SHANK2: variants seen among roughly 807,000 people sequenced by gnomAD.
SHANK2 encodes the protein SH3 and multiple ankyrin repeat domains protein 2.
SHANK2 carries 43 observed loss-of-function variants against 133.7 expected under a neutral mutation model. The ratio of observed to expected loss-of-function variants is 0.32; its 90% CI spans 0.25 to 0.41. The LOEUF is 0.41. SHANK2 is among the 10% of genes least tolerant of loss of function. SHANK2 has a pLI of 1.00. For synonymous variants in SHANK2, 1,017 were observed against 952.8 expected, an observed-to-expected ratio of 1.07 and a Z score of -1.24; for missense variants, 1,994 against 2,235.8, an observed-to-expected ratio of 0.89 and a Z score of 2.18.
chr11:70,783,743 C>T (rs1377849459), intron 14 of SHANK2, among the ~76,000 whole-genome samples: 1 of 152,206 alleles, frequency 6.6e-6, no homozygotes, highest in Non-Finnish European at 1.5e-5. Context: ...TTATAACTGC[C>T]CACTGGACGT....
intron 17 of SHANK2, among the ~76,000 whole-genome samples, chr11:70,608,713 G>A (rs928832229): frequency 3.9e-5 from 6 of 152,178 alleles, no homozygotes; most frequent in Admixed American, 2.6e-4. Flanking sequence ...TGAGGGCCAC[G>A]GGCTCCCGGA....
chr11:70,472,624 G>A lies in SHANK2; in HGVS notation c.*245C>T. 3 of 557,598 alleles carry A rather than the reference G, an allele frequency of 5.4e-6. No individual in the cohort carries two copies. Among genetic ancestry groups the A allele is most frequent in the Non-Finnish European group, 9.7e-6 (3 of 310,048 alleles). The allele number at this position is 557,598 out of a possible 1,614,324, so 34.5% of individuals were successfully genotyped here. On this transcript the variant is annotated 3_prime_UTR_variant, in exon 26 of 26. Coordinates refer to ENST00000601538, the MANE Select transcript of SHANK2 (RefSeq NM_012309.5). The surrounding 1 kb of genome is among the most constrained non-coding windows in gnomAD (Gnocchi z 4.4). ...CGGCAGGCTGAGAATCTTTTTCCAT[G>A]TTAGAAAAACTCCCTCCCCTTGTCC...
At chr11:70,835,814 C>T (rs1240567124) in intron 11 of SHANK2, among the ~76,000 whole-genome samples, 1 of 152,200 alleles carries the variant, frequency 6.6e-6, no homozygotes, top group Non-Finnish European at 1.5e-5. Context: ...CAGCCTCATT[C>T]TGCTGAGGTC....
chr11:70,666,105 A>G (rs1944673968), intron 15 of SHANK2, among the ~76,000 whole-genome samples: 1 of 152,138 alleles, frequency 6.6e-6, no homozygotes, highest in African/African-American at 2.4e-5. Flanking sequence ...AAGGATGACT[A>G]CAGGGTTTCG....
At chr11:70,876,693 C>T (rs1214787325) in intron 11 of SHANK2, among the ~76,000 whole-genome samples, 1 of 152,060 alleles carries the variant, frequency 6.6e-6, no homozygotes, top group African/African-American at 2.4e-5. Flanking sequence ...AGTGTTTCAT[C>T]CATGTGGGCT....
chr11:71,227,048 C>T (rs572929191), intron 1 of SHANK2, among the ~76,000 whole-genome samples: 5 of 152,064 alleles, frequency 3.3e-5, no homozygotes, highest in East Asian at 1.9e-4. Context: ...ATTAAGTATA[C>T]ATGATATAAT....
At chr11:71,206,168 T>C (rs1283666567) in intron 2 of SHANK2, among the ~76,000 whole-genome samples, 8 of 152,220 alleles carry the variant, frequency 5.3e-5, no homozygotes, top group African/African-American at 1.9e-4. Context: ...AGAAGGATGC[T>C]AGTGCAAAGT....
chr11:70,605,655 C>T (rs1554992132), intron 17 of SHANK2, among the ~76,000 whole-genome samples: 3 of 152,206 alleles, frequency 2.0e-5, no homozygotes, highest in Non-Finnish European at 4.4e-5. Context: ...CGAACTCTCT[C>T]CAAGGAGGCG....
At chr11:70,607,327 G>A (rs781887170) in intron 17 of SHANK2, among the ~76,000 whole-genome samples, 11 of 152,152 alleles carry the variant, frequency 7.2e-5, no homozygotes, top group Non-Finnish European at 1.3e-4. Flanking sequence ...GTGACCAGCT[G>A]GCAGATTCTA....
At chr11:70,495,269 C>T (rs1591501581) in intron 21 of SHANK2, among the ~76,000 whole-genome samples, 1 of 152,218 alleles carries the variant, frequency 6.6e-6, no homozygotes, top group South Asian at 2.1e-4. Context: ...AATTTGCTTC[C>T]TCCAAGGAGC....
intron 17 of SHANK2, among the ~76,000 whole-genome samples, chr11:70,637,592 G>A (rs980875132): frequency 6.6e-6 from 1 of 152,202 alleles, no homozygotes; most frequent in Admixed American, 6.5e-5. Flanking sequence ...TGCAGAGAGG[G>A]TGTGACCCGT....
intron 9 of SHANK2, among the ~76,000 whole-genome samples, chr11:71,056,799 T>C (rs1950927113): frequency 1.1e-5 from 1 of 93,794 alleles, no homozygotes; most frequent in African/African-American, 2.5e-5. Context: ...TGCACATGTA[T>C]ATAAAATATA....
At chr11:70,592,440 A>G (rs2060337116) in intron 17 of SHANK2, among the ~76,000 whole-genome samples, 1 of 152,092 alleles carries the variant, frequency 6.6e-6, no homozygotes, top group Non-Finnish European at 1.5e-5. Flanking sequence ...GTGGCCACCA[A>G]TCTGATGCAG....
chr11:70,565,585 G>C (rs1371373433), intron 17 of SHANK2, among the ~76,000 whole-genome samples: 1 of 152,148 alleles, frequency 6.6e-6, no homozygotes, highest in Non-Finnish European at 1.5e-5. Flanking sequence ...GTCTCTGCCT[G>C]AGTTCCCTCT....
rs937089721 is a variant in SHANK2, at chr11:71,093,056, G to T, written c.745-467C>A. Among the ~76,000 whole-genome samples, 19 of 145,672 alleles carry T rather than the reference G, an allele frequency of 1.3e-4. 1 individual carries two copies. The highest frequency in any genetic ancestry group is 4.5e-4 in the African/African-American group (18 of 40,002). On this transcript the variant is annotated intron_variant, in intron 7 of 25. Coordinates refer to ENST00000601538, the MANE Select transcript of SHANK2 (RefSeq NM_012309.5). The stretch of plus-strand genomic sequence containing the variant: ...AAGCTCAGTCTCAAAAATAAAGGGG[G>T]GGGGGGGCAGGTATAACTTTAGACA...
intron 17 of SHANK2, among the ~76,000 whole-genome samples, chr11:70,505,099 C>T (rs1404165549): frequency 6.6e-6 from 1 of 152,154 alleles, no homozygotes; most frequent in Non-Finnish European, 1.5e-5. Flanking sequence ...CTGAGTACCA[C>T]CTAAGAAGGC....
intron 17 of SHANK2, among the ~76,000 whole-genome samples, chr11:70,631,410 C>CACACCCCCA (rs1555002193): frequency 1.4e-5 from 1 of 69,156 alleles, no homozygotes; most frequent in Non-Finnish European, 3.5e-5. Flanking sequence ...ACACACACAC[C>CACACCCCCA]CACACAACCT....
rs1951575597 is a variant in SHANK2 at position 71,094,633 on chromosome 11, A to G, written c.648T>C (p.Ala216=). Residue 216 remains alanine, a synonymous_variant, in exon 7 of 26, where the codon GCT becomes GCC. Coordinates refer to ENST00000601538, the MANE Select transcript of SHANK2 (RefSeq NM_012309.5). ...CCAGGTGAGCTCCACCATTTTTGAG[A>G]GCTTTGATGACCTCCACAGAGTCGT... ...QLDDSVEVIK[A]LKNGGAHLDF... 1 of 1,551,534 alleles carries G rather than the reference A, an allele frequency of 6.4e-7. No individual in the cohort carries two copies. The highest frequency in any genetic ancestry group is 8.7e-7 in the Non-Finnish European group (1 of 1,146,982).
intron 2 of SHANK2, among the ~76,000 whole-genome samples, chr11:71,194,690 C>A (rs181313043): frequency 6.6e-6 from 1 of 152,180 alleles, no homozygotes; most frequent in Non-Finnish European, 1.5e-5. Flanking sequence ...CACAAAGAAA[C>A]GCAAAAGAGA....
Sources: allele counts gnomAD v4.1 joint callset (sites outside exome capture counted in the v4.1 genomes callset), GRCh38; gene constraint gnomAD v4.1.1; non-coding constraint Gnocchi (gnomAD v3.1); transcripts MANE v1.5; gene names NCBI Gene and HGNC (gene_info 2026-07-23, HGNC 2026-07-21).